Variants in ZFYVE19 observed in about 807,000 individuals in gnomAD.
The protein encoded by ZFYVE19 is abscission/NoCut checkpoint regulator.
Under a neutral mutation model 62.8 loss-of-function variants are expected in ZFYVE19, and 49 were observed. That is an observed-to-expected ratio of 0.78 (90% CI 0.62 to 0.99). The LOEUF (loss-of-function observed/expected upper bound fraction) is 0.99. ZFYVE19 is among the 50% of genes least tolerant of loss of function. The pLI is 0.00. For synonymous variants in ZFYVE19, 242 were observed against 234.3 expected, an observed-to-expected ratio of 1.03 and a Z score of -0.30; for missense variants, 630 against 601.9, an observed-to-expected ratio of 1.05 and a Z score of -0.49.
Position 40,810,234 on chromosome 15 carries a change from G to A in ZFYVE19, c.717+18G>A, listed in dbSNP as rs765339898. On this transcript the variant is annotated intron_variant, in intron 5 of 10. Coordinates refer to ENST00000355341, the MANE Select transcript of ZFYVE19 (RefSeq NM_001077268.2). Reference sequence around the variant, plus strand: ...CCCAGCCGGTGAGTGTTATGGCTTAGGAGAGAAGCGGGGGTGCTAGCGGGA... The same window carrying A: ...CCCAGCCGGTGAGTGTTATGGCTTAAGAGAGAAGCGGGGGTGCTAGCGGGA... The A allele has an allele frequency of 1.6e-5, 26 of 1,613,400 alleles. No homozygotes were observed. The East Asian group carries it at 5.6e-4, about 35-fold the overall frequency.
intron 5 of ZFYVE19, 64 bp downstream of exon 5, chr15:40,810,280 T>A: frequency 6.3e-7 from 1 of 1,595,548 alleles, no homozygotes; most frequent in Non-Finnish European, 8.5e-7. Flanking sequence ...GAAGCCCAGA[T>A]ACAGGTATTG....
At chr15:40,809,589 A>C in intron 3 of ZFYVE19, 131 bp downstream of exon 3, 1 of 1,212,014 alleles carries the variant, frequency 8.3e-7, no homozygotes, top group Non-Finnish European at 1.2e-6. Flanking sequence ...CTGGCTCCTG[A>C]CTGCCCTCTT....
In ZFYVE19 at chr15:40,813,371, A is replaced by G; in HGVS notation, c.1064A>G (p.Asp355Gly). ...CAGGACTATCGCCTCCCAGACAGTGATGACGACGAGGATGAGGAGACAGCC... is the reference window on the plus strand; with the variant it reads ...CAGGACTATCGCCTCCCAGACAGTGGTGACGACGAGGATGAGGAGACAGCC... ...TLQDYRLPDS[D>G]DDEDEETAIQ... Residue 355 changes from aspartate (D) to glycine (G), a missense_variant, in exon 8 of 11, where the codon GAT becomes GGT. Physicochemically the swap from Asp to Gly is moderately conservative, Grantham distance 94. Coordinates refer to ENST00000355341, the MANE Select transcript of ZFYVE19 (RefSeq NM_001077268.2). 1 of 1,612,814 alleles carries G rather than the reference A, an allele frequency of 6.2e-7. No individual in the cohort carries two copies. Among genetic ancestry groups the G allele is most frequent in the Non-Finnish European group, 8.5e-7 (1 of 1,179,450 alleles).
In ZFYVE19 at chr15:40,807,497, G is replaced by C. The variant is rs753922624; in HGVS notation, c.-93G>C. On this transcript the variant is annotated 5_prime_UTR_variant, in exon 1 of 11. Transcript: ENST00000355341. ...ACAACTCCCAAGAGTCTAAGCGCGC[G>C]TGAGGACTGCAGGCTCCGAGCGGCG... 1.2e-6 allele frequency: 2 copies of C among 1,611,710 alleles called. No individual in the cohort carries two copies. The highest frequency in any genetic ancestry group is 1.7e-6 in the Non-Finnish European group (2 of 1,178,184).
Position 40,807,728 on chromosome 15 carries a change from G to A in ZFYVE19, c.139G>A (p.Gly47Arg), listed in dbSNP as rs749863222. 4.4e-6 allele frequency: 7 copies of A among 1,598,026 alleles called. No homozygotes were observed. The highest frequency in any genetic ancestry group is 1.1e-5 in the South Asian group (1 of 89,302). The change falls in exon 1 of 11, where the codon GGG (glycine) becomes AGG (arginine). Residue 47 changes from glycine to arginine, a missense_variant. Physicochemically the swap from Gly to Arg is moderately radical, Grantham distance 125 (BLOSUM62 -2). Transcript: ENST00000355341. ...VWGGAGQGRE[G>R]RSWGEGPRGP... ...GGGCGGGGCAGGGCAGGGAAGGGAA[G>A]GGCGGAGCTGGGGTGAGGGTCCAAG...
At chr15:40,812,589 G>GA (rs1555385539) in intron 6 of ZFYVE19, 110 bp from the exon 7 acceptor site, 1 of 280,692 alleles carries the variant, frequency 3.6e-6, no homozygotes, top group African/African-American at 4.9e-5. Context: ...AAGAAAGAAA[G>GA]AAAAAATTAT....
rs1890610417 is a variant in ZFYVE19 at position 40,814,497 on chromosome 15, G to A, written c.*271G>A. The A allele has an allele frequency of 1.9e-6, 1 of 517,518 alleles. No homozygotes were observed. The highest frequency in any genetic ancestry group is 3.5e-6 in the Non-Finnish European group (1 of 285,694). 32.1% of individuals were successfully genotyped at this position (517,518 alleles called of 1,614,324 possible). Reference sequence around the variant, plus strand: ...CAGACTGAATCTACGGGTGAGCCCTGTAACCTGGCTCTAGGGCACAGGCCC... The same window carrying A: ...CAGACTGAATCTACGGGTGAGCCCTATAACCTGGCTCTAGGGCACAGGCCC... On this transcript the variant is annotated 3_prime_UTR_variant, in exon 11 of 11. Transcript: ENST00000355341.
Position 40,807,110 on chromosome 15 carries a change from C to A in ZFYVE19, c.-480C>A, listed in dbSNP as rs1566834247. 1 of 800,810 alleles carries A rather than the reference C, an allele frequency of 1.2e-6. No homozygotes were observed. The highest frequency in any genetic ancestry group is 1.7e-5 in the African/African-American group (1 of 57,440). 49.6% of individuals were successfully genotyped at this position (800,810 alleles called of 1,614,324 possible). On this transcript the variant is annotated 5_prime_UTR_variant, in exon 1 of 11. Transcript: ENST00000355341. ...TAGCGTTCCTTGCTGCCTCGCCCCGCGGCCTCTAGGAGACAGGGGCCACGG... is the reference window on the plus strand; with the variant it reads ...TAGCGTTCCTTGCTGCCTCGCCCCGAGGCCTCTAGGAGACAGGGGCCACGG...
intron 1 of ZFYVE19, 138 bp downstream of exon 1, chr15:40,808,006 A>G (rs1459921136): frequency 8.3e-7 from 1 of 1,202,344 alleles, no homozygotes; most frequent in African/African-American, 1.5e-5. Flanking sequence ...CTCAGTTTCC[A>G]TTTCTGTAAA....
In ZFYVE19 at chr15:40,813,364, G is replaced by A; in HGVS notation, c.1057G>A (p.Asp353Asn). The stretch of plus-strand genomic sequence containing the variant: ...GACCCTCCAGGACTATCGCCTCCCA[G>A]ACAGTGATGACGACGAGGATGAGGA... ...RVTLQDYRLP[D>N]SDDDEDEETA... Residue 353 changes from aspartate (D) to asparagine (N), a missense_variant, in exon 8 of 11, where the codon GAC (aspartate) becomes AAC (asparagine). Physicochemically the swap from Asp to Asn is conservative, Grantham distance 23. Coordinates refer to ENST00000355341, the MANE Select transcript of ZFYVE19 (RefSeq NM_001077268.2). The A allele has an allele frequency of 6.2e-7, 1 of 1,613,080 alleles. No individual in the cohort carries two copies. The highest frequency in any genetic ancestry group is 8.5e-7 in the Non-Finnish European group (1 of 1,179,562).
Position 40,807,569 on chromosome 15 carries a change from G to C in ZFYVE19, c.-21G>C. On this transcript the variant is annotated 5_prime_UTR_variant, in exon 1 of 11. Transcript: ENST00000355341. ...TTCTGGGTCAGGCTTGACTGACTCT[G>C]AGGGAGGCCGGCAGTCGTGAATGAA... 1.2e-6 allele frequency: 2 copies of C among 1,608,438 alleles called. No homozygotes were observed. The highest frequency in any genetic ancestry group is 1.3e-5 in the African/African-American group (1 of 75,004).
intron 1 of ZFYVE19, chr15:40,808,321 G>T: frequency 1.3e-6 from 2 of 1,597,986 alleles, no homozygotes. Context: ...GCACCATGGT[G>T]AAGGCTGACT....
chr15:40,813,250 C>T, intron 7 of ZFYVE19, 88 bp from the exon 8 acceptor site: 1 of 1,329,878 alleles, frequency 7.5e-7, no homozygotes, highest in Non-Finnish European at 1.1e-6. Flanking sequence ...GGAACCGAAC[C>T]AGTTCTGGGA....
intron 6 of ZFYVE19, among the ~76,000 whole-genome samples, 191 bp from the exon 7 acceptor site, chr15:40,812,508 T>A (rs1334229742): frequency 7.2e-6 from 1 of 139,532 alleles, no homozygotes; most frequent in Non-Finnish European, 1.5e-5. Context: ...ATTGCACCAC[T>A]GCACTCCGGC....
At chr15:40,810,241 A>C in intron 5 of ZFYVE19, 25 bp downstream of exon 5, 3 of 1,612,744 alleles carry the variant, frequency 1.9e-6, no homozygotes, top group Non-Finnish European at 2.5e-6. Context: ...TTAGGAGAGA[A>C]GCGGGGGTGC....
rs765232547 is a variant in ZFYVE19, at chr15:40,813,401, A to G, written c.1094A>G (p.Gln365Arg). The G allele has an allele frequency of 2.6e-5, 42 of 1,608,404 alleles. No individual in the cohort carries two copies. The highest frequency in any genetic ancestry group is 1.7e-4 in the African/African-American group (13 of 74,728). ...DDDEDEETAI[Q>R]RVLQQLTEEA... ...GACGAGGATGAGGAGACAGCCATCC[A>G]AAGAGTCCTGCAGCAGGTGGGCCTG... The change falls in exon 8 of 11, where the codon CAA becomes CGA. Residue 365 changes from glutamine to arginine, a missense_variant. By Grantham distance (43) the Gln-to-Arg change is conservative (BLOSUM62 1). Transcript: ENST00000355341.
intron 1 of ZFYVE19, 165 bp downstream of exon 1, chr15:40,808,033 C>T (rs1890327792): frequency 1.8e-6 from 2 of 1,094,828 alleles, no homozygotes; most frequent in East Asian, 2.6e-5. Flanking sequence ...CTAACATTCT[C>T]TCGCTTTCAG....
At chr15:40,810,031 G>A (rs781574882) in intron 4 of ZFYVE19, 40 bp from the exon 5 acceptor site, 2 of 1,614,136 alleles carry the variant, frequency 1.2e-6, no homozygotes, top group Admixed American at 1.7e-5. Flanking sequence ...GGACTGAGAT[G>A]CCTCTGGCCC....
At position 40,813,930 on chromosome 15, in the gene ZFYVE19, C is replaced by G. The variant is rs1203027025; in HGVS notation, c.1210-13C>G. ...GGTACCTTACTTCCTCCATTCCTCTCTGATCCCTGAAGGCCCAGGATGTGG... is the reference window on the plus strand; with the variant it reads ...GGTACCTTACTTCCTCCATTCCTCTGTGATCCCTGAAGGCCCAGGATGTGG... On this transcript the variant is annotated splice_polypyrimidine_tract_variant and intron_variant, in intron 9 of 10. Transcript: ENST00000355341. 12 of 1,599,782 alleles carry G rather than the reference C, an allele frequency of 7.5e-6. No individual in the cohort carries two copies. Among genetic ancestry groups the G allele is most frequent in the Non-Finnish European group, 1.0e-5 (12 of 1,172,592 alleles).
Sources: allele counts gnomAD v4.1 joint callset (sites outside exome capture counted in the v4.1 genomes callset), GRCh38; gene constraint gnomAD v4.1.1; transcripts MANE v1.5; gene names NCBI Gene and HGNC (gene_info 2026-07-23, HGNC 2026-07-21).